The following ARHGEF33 variants were observed in gnomAD, a reference collection of about 807,000 sequenced individuals.
ARHGEF33 encodes the protein Rho guanine nucleotide exchange factor 33, also known as DH and coiled-coil domain-containing protein ENSP00000381780.
ARHGEF33 carries 72 observed loss-of-function variants against 101.9 expected under a neutral mutation model. The ratio of observed to expected loss-of-function variants is 0.71; its 90% CI spans 0.58 to 0.86. The LOEUF (loss-of-function observed/expected upper bound fraction) is 0.86, where lower values mean the gene tolerates loss of function less well. ARHGEF33 is among the 40% of genes least tolerant of loss of function. The probability of loss-of-function intolerance (pLI) is 0.00; values close to 1 mark genes in which losing one functional copy is unlikely to be tolerated. For synonymous variants in ARHGEF33, 499 were observed against 442.5 expected, an observed-to-expected ratio of 1.13 and a Z score of -1.60; for missense variants, 1,169 against 1,111.3, an observed-to-expected ratio of 1.05 and a Z score of -0.74.
intron 9 of ARHGEF33, among the ~76,000 whole-genome samples, chr2:38,942,518 C>T (rs1308604801): frequency 6.9e-6 from 1 of 144,048 alleles, no homozygotes; most frequent in Non-Finnish European, 1.5e-5. Context: ...TCATCTTCTA[C>T]CCTTTTAATT....
At chr2:38,915,467 C>G (rs1352501594) in intron 2 of ARHGEF33, among the ~76,000 whole-genome samples, 1 of 147,082 alleles carries the variant, frequency 6.8e-6, no homozygotes, top group Non-Finnish European at 1.5e-5. Flanking sequence ...TCACTGCAAT[C>G]TCTGCCTCCC....
intron 1 of ARHGEF33, among the ~76,000 whole-genome samples, chr2:38,894,470 A>G (rs550632737): frequency 2.6e-5 from 4 of 151,744 alleles, no homozygotes; most frequent in African/African-American, 7.2e-5. Flanking sequence ...CTAGAAGTGT[A>G]TTTCTCTCTT....
At chr2:38,910,637 A>G (rs1666488639) in intron 2 of ARHGEF33, among the ~76,000 whole-genome samples, 1 of 152,244 alleles carries the variant, frequency 6.6e-6, no homozygotes. Flanking sequence ...TGAATTTTAC[A>G]AATAATATTT....
chr2:38,960,545 A>G lies in ARHGEF33; in HGVS notation c.2240A>G (p.His747Arg). The stretch of plus-strand genomic sequence containing the variant: ...AAGGCCGAGCGCGCCGCGCAGGCGC[A>G]CGGCCCGGCCGCCGCCGCCGTCGCC... ...PIKAERAAQA[H>R]GPAAAAVAAR... Residue 747 changes from histidine to arginine, a missense_variant, in exon 16 of 18, where the codon CAC becomes CGC. Transcript: ENST00000409978. The G allele has an allele frequency of 1.6e-6, 2 of 1,263,894 alleles. No homozygotes were observed. The highest frequency in any genetic ancestry group is 2.0e-6 in the Non-Finnish European group (2 of 996,628). 78.3% of individuals were successfully genotyped at this position (1,263,894 alleles called of 1,614,324 possible).
intron 6 of ARHGEF33, among the ~76,000 whole-genome samples, 162 bp downstream of exon 6, chr2:38,929,992 C>G (rs1666959522): frequency 6.6e-6 from 1 of 152,086 alleles, no homozygotes; most frequent in African/African-American, 2.4e-5. Context: ...TTGGTTAATA[C>G]CAAAGATGGA....
chr2:38,953,339 C>T lies in ARHGEF33; in HGVS notation c.1137+94C>T, dbSNP rs1667660049. 5 of 757,068 alleles carry T rather than the reference C, an allele frequency of 6.6e-6. No individual in the cohort carries two copies. In the South Asian group the frequency reaches 7.7e-5, roughly 12 times the overall value. 46.9% of individuals were successfully genotyped at this position (757,068 alleles called of 1,614,324 possible). On this transcript the variant is annotated intron_variant, in intron 12 of 17. Coordinates refer to ENST00000409978, the MANE Select transcript of ARHGEF33 (RefSeq NM_001145451.5). ...CAGTCAATACAGCGCATGCACTGTG[C>T]TTTCTAGGCTGGGGAATGGCCTGAA...
In ARHGEF33 at chr2:38,919,477, G is replaced by A; in HGVS notation, c.25+5G>A. On this transcript the variant is annotated splice_donor_5th_base_variant and intron_variant, in intron 3 of 17. Transcript: ENST00000409978. ...AAAAAACCAAAACAAAGCAAGGTCA[G>A]ATTTTTCCTATGTCTTGCTTTAGGA... is the stretch of plus-strand genomic sequence containing the variant. 3 of 1,551,720 alleles carry A rather than the reference G, an allele frequency of 1.9e-6. No individual in the cohort carries two copies. The highest frequency in any genetic ancestry group is 2.6e-6 in the Non-Finnish European group (3 of 1,146,888).
chr2:38,937,223 T>C (rs1282851159), intron 8 of ARHGEF33, 112 bp from the exon 9 acceptor site: 1 of 625,998 alleles, frequency 1.6e-6, no homozygotes, highest in African/African-American at 1.8e-5. Context: ...CTCAATCTCC[T>C]GACTTCGTGA....
intron 7 of ARHGEF33, among the ~76,000 whole-genome samples, chr2:38,935,155 A>AG (rs1403991279): frequency 6.6e-6 from 1 of 151,782 alleles, no homozygotes; most frequent in East Asian, 1.9e-4. Flanking sequence ...GAGCCATTGG[A>AG]GGGCTAAGCA....
At chr2:38,955,037 G>GA (rs1357242244) in intron 13 of ARHGEF33, among the ~76,000 whole-genome samples, 8 of 152,200 alleles carry the variant, frequency 5.3e-5, no homozygotes, top group South Asian at 4.2e-4. Context: ...GATCTTTCTA[G>GA]AACCACTCCT....
intron 4 of ARHGEF33, among the ~76,000 whole-genome samples, chr2:38,922,862 G>T (rs1191976625): frequency 6.6e-6 from 1 of 152,156 alleles, no homozygotes; most frequent in East Asian, 1.9e-4. Flanking sequence ...GTAGGTATAG[G>T]TAAGGTTGTT....
At chr2:38,928,828 A>G in intron 4 of ARHGEF33, 79 bp from the exon 5 acceptor site, 2 of 1,352,586 alleles carry the variant, frequency 1.5e-6, no homozygotes, top group Non-Finnish European at 9.9e-7. Flanking sequence ...TTTCTCAAAC[A>G]AAAGAAAAAT....
chr2:38,961,564 C>T (rs1229264745), intron 16 of ARHGEF33, among the ~76,000 whole-genome samples: 1 of 152,146 alleles, frequency 6.6e-6, no homozygotes, highest in Non-Finnish European at 1.5e-5. Context: ...TCCAACTATT[C>T]TCATTTTCGA....
At chr2:38,927,001 G>C (rs1666888247) in intron 4 of ARHGEF33, among the ~76,000 whole-genome samples, 2 of 152,128 alleles carry the variant, frequency 1.3e-5, no homozygotes, top group Admixed American at 6.6e-5. Context: ...GGTTGATCTG[G>C]TGATTTAATC....
rs1668235528 is a variant in ARHGEF33, at chr2:38,974,563, G to C, written c.*720G>C. On this transcript the variant is annotated 3_prime_UTR_variant, in exon 18 of 18. Coordinates refer to ENST00000409978, the MANE Select transcript of ARHGEF33 (RefSeq NM_001145451.5). ...GGCAAAGAAACATTTTCCCTTGTGT[G>C]GGTTGAGCTGAGGATGGAAACAGTC... 6.6e-6 allele frequency: 1 copy of C among 152,192 alleles called. No individual in the cohort carries two copies. The highest frequency in any genetic ancestry group is 6.5e-5 in the Admixed American group (1 of 15,282). The allele number at this position is 152,192 out of a possible 1,614,324, so 9.4% of individuals were successfully genotyped here.
chr2:38,890,243 AGTT>A (rs780225568), intron 1 of ARHGEF33, among the ~76,000 whole-genome samples: 24 of 152,220 alleles, frequency 1.6e-4, no homozygotes, highest in Non-Finnish European at 3.4e-4. Flanking sequence ...TGGAGACTGA[AGTT>A]GTTCTGCATA....
At chr2:38,896,141 GT>G (rs1666118071) in intron 2 of ARHGEF33, among the ~76,000 whole-genome samples, 1 of 151,960 alleles carries the variant, frequency 6.6e-6, no homozygotes, top group Non-Finnish European at 1.5e-5. Context: ...TTGTTTGTTC[GT>G]TTTGTTTTGT....
chr2:38,900,488 C>T (rs183069124), intron 2 of ARHGEF33, among the ~76,000 whole-genome samples: 18 of 152,338 alleles, frequency 1.2e-4, no homozygotes, highest in South Asian at 1.0e-3. Context: ...ATGTATATCA[C>T]ATATGCTAAC....
At position 38,890,323 on chromosome 2, in the gene ARHGEF33, G is replaced by A. The variant is rs553442847; in HGVS notation, c.-159+337G>A. Among the ~76,000 whole-genome samples the A allele has an allele frequency of 2.6e-4, 40 of 152,256 alleles. 1 individual carries two copies. The highest frequency in any genetic ancestry group is 1.2e-3 in the East Asian group (6 of 5,180). ...TCTTAAAGAAAGGATGCTAGACAGCGTAAATCTGACATGGACATGCCTCTT... is the reference window on the plus strand; with the variant it reads ...TCTTAAAGAAAGGATGCTAGACAGCATAAATCTGACATGGACATGCCTCTT... On this transcript the variant is annotated intron_variant, in intron 1 of 17. Coordinates refer to ENST00000409978, the MANE Select transcript of ARHGEF33 (RefSeq NM_001145451.5).
Sources: gnomAD v4.1 joint callset for allele counts (sites outside exome capture counted in the v4.1 genomes callset) on GRCh38, gnomAD v4.1.1 for gene constraint, MANE v1.5 for transcripts, NCBI Gene and HGNC (gene_info 2026-07-23, HGNC 2026-07-21) for gene names.